Variants in ANXA8 observed in about 807,000 individuals in gnomAD.
The protein encoded by ANXA8 is annexin A8.
A neutral mutation model predicts 26.8 loss-of-function variants in ANXA8; 9 were observed. The observed-to-expected ratio is 0.34, with a 90% CI of 0.20 to 0.59. The LOEUF (loss-of-function observed/expected upper bound fraction) is 0.59. ANXA8 is among the 20% of genes least tolerant of loss of function. The pLI is 0.84. For missense variants in ANXA8, 83 were observed against 238.5 expected (o/e 0.35, Z 4.29); for synonymous variants, 39 against 94.8 (o/e 0.41, Z 3.42).
At chr10:47,778,697 ATGT>A in the ANXA8 span, among the ~76,000 whole-genome samples, 2 of 151,998 alleles carry the variant, frequency 1.3e-5, no homozygotes, top group South Asian at 2.1e-4. Context: ...CGCCTTTGAA[ATGT>A]TGTTAGAAAA....
At chr10:47,926,196 A>AT in the ANXA8 span, among the ~76,000 whole-genome samples, 87 of 25,968 alleles carry the variant, frequency 3.4e-3, 28 homozygotes, top group Admixed American at 6.1e-3. Context: ...ACACCCAGCT[A>AT]TTTTTTTTTT....
chr10:47,565,158 C>G, the ANXA8 span: 3 of 734,556 alleles, frequency 4.1e-6, no homozygotes, highest in Non-Finnish European at 7.4e-6. Flanking sequence ...CAGAGCAGCC[C>G]GAAGCTGCTG....
chr10:47,489,028 T>C (rs1187331390), upstream of ANXA8, among the ~76,000 whole-genome samples: 17 of 144,178 alleles, frequency 1.2e-4, no homozygotes, highest in South Asian at 1.7e-3. Flanking sequence ...ATTTTTTTCT[T>C]TTTTTTTGAG....
At chr10:47,968,741 CAA>C in the ANXA8 span, among the ~76,000 whole-genome samples, 1 of 151,160 alleles carries the variant, frequency 6.6e-6, no homozygotes, top group Admixed American at 6.6e-5. Flanking sequence ...TCATGGTCAT[CAA>C]AAGTTACAAA....
chr10:47,658,983 T>G, the ANXA8 span, among the ~76,000 whole-genome samples: 70 of 149,784 alleles, frequency 4.7e-4, 4 homozygotes, highest in African/African-American at 1.7e-3. Context: ...GCCATTCTCC[T>G]GCCTCAGCCT....
At chr10:47,652,311 G>A in the ANXA8 span, among the ~76,000 whole-genome samples, 1 of 151,668 alleles carries the variant, frequency 6.6e-6, no homozygotes, top group South Asian at 2.1e-4. Flanking sequence ...TTAAAAAAAA[G>A]TATAGGCCGA....
the ANXA8 span, among the ~76,000 whole-genome samples, chr10:47,732,615 A>G: frequency 3.2e-5 from 3 of 94,276 alleles, no homozygotes; most frequent in Non-Finnish European, 6.2e-5. Flanking sequence ...TTAGAGAATC[A>G]TTTTTATTTG....
At chr10:47,594,465 G>A in the ANXA8 span, among the ~76,000 whole-genome samples, 1 of 136,848 alleles carries the variant, frequency 7.3e-6, no homozygotes, top group Non-Finnish European at 1.5e-5. Context: ...GAAGATGGAT[G>A]TCAAGGAAAG....
the ANXA8 span, among the ~76,000 whole-genome samples, chr10:47,546,251 A>G: frequency 7.2e-6 from 1 of 139,038 alleles, no homozygotes; most frequent in African/African-American, 2.6e-5. Context: ...GGAAGTATAC[A>G]ATGGAAACCT....
the ANXA8 span, among the ~76,000 whole-genome samples, chr10:47,699,893 T>A: frequency 4.9e-4 from 75 of 151,866 alleles, 1 homozygote; most frequent in African/African-American, 1.6e-3. Flanking sequence ...GAGGGCATAA[T>A]GATAGTGAAA....
the ANXA8 span, among the ~76,000 whole-genome samples, chr10:47,515,750 G>T: frequency 7.2e-6 from 1 of 139,662 alleles, no homozygotes; most frequent in African/African-American, 2.6e-5. Context: ...AGAAAATTGG[G>T]AGATCCTTCT....
chr10:47,605,033 C>G, the ANXA8 span, among the ~76,000 whole-genome samples: 1 of 150,992 alleles, frequency 6.6e-6, no homozygotes, highest in Admixed American at 6.6e-5. Context: ...AACTCCTTCC[C>G]TTGACTGTCT....
the ANXA8 span, among the ~76,000 whole-genome samples, chr10:47,618,480 G>T: frequency 1.8e-5 from 2 of 110,262 alleles, 1 homozygote; most frequent in African/African-American, 7.0e-5. Context: ...TTTTAATGTG[G>T]TATCAAATTT....
At chr10:47,494,767 ATCAG>A in the ANXA8 span, among the ~76,000 whole-genome samples, 1 of 150,348 alleles carries the variant, frequency 6.7e-6, no homozygotes, top group South Asian at 2.1e-4. Flanking sequence ...ACCTGTGGGT[ATCAG>A]TCAGGCTCCT....
chr10:47,496,833 T>C, the ANXA8 span, among the ~76,000 whole-genome samples: 2 of 147,906 alleles, frequency 1.4e-5, no homozygotes, highest in African/African-American at 5.0e-5. Context: ...TGATGTGGAA[T>C]CCTTCCCAGT....
chr10:47,676,245 C>T, the ANXA8 span, among the ~76,000 whole-genome samples: 30 of 151,796 alleles, frequency 2.0e-4, no homozygotes, highest in South Asian at 5.2e-3. Flanking sequence ...GAGAAGAGAA[C>T]GTGGCAGAAG....
the ANXA8 span, among the ~76,000 whole-genome samples, chr10:47,976,462 CT>C: frequency 3.1e-3 from 465 of 151,452 alleles, no homozygotes; most frequent in African/African-American, 0.011. Flanking sequence ...AATCCTAGCA[CT>C]TTGGGAGGCT....
chr10:47,546,665 G>T, the ANXA8 span, among the ~76,000 whole-genome samples: 1 of 133,852 alleles, frequency 7.5e-6, no homozygotes, highest in African/African-American at 2.7e-5. Context: ...CTTGGCCTCC[G>T]AAGTGCTGGG....
the ANXA8 span, among the ~76,000 whole-genome samples, chr10:47,988,925 C>T: frequency 6.6e-6 from 1 of 151,818 alleles, no homozygotes; most frequent in African/African-American, 2.4e-5. Context: ...TCGGTGTCCA[C>T]ACACACGATA....
Sources: allele counts gnomAD v4.1 joint callset (sites outside exome capture counted in the v4.1 genomes callset), GRCh38; gene constraint gnomAD v4.1.1; transcripts MANE v1.5; gene names NCBI Gene and HGNC (gene_info 2026-07-23, HGNC 2026-07-21).